UBR1: variants seen among roughly 807,000 people sequenced by gnomAD.
UBR1 encodes the protein ubiquitin protein ligase E3 component n-recognin 1.
UBR1 carries 102 observed loss-of-function variants against 242.1 expected under a neutral mutation model. That is an observed-to-expected ratio of 0.42 (90% CI 0.36 to 0.50). UBR1 has a LOEUF of 0.50. Ranked by LOEUF, UBR1 falls within the 20% of genes least tolerant of loss-of-function variation. UBR1 has a pLI of 0.01. For synonymous variants in UBR1, 675 were observed against 684.8 expected (o/e 0.99, Z 0.22); for missense variants, 1,772 against 2,101.8 (o/e 0.84, Z 3.07).
chr15:43,075,185 T>A, intron 3 of UBR1, 96 bp from the exon 4 acceptor site: 1 of 980,450 alleles, frequency 1.0e-6, no homozygotes, highest in South Asian at 1.3e-5. Flanking sequence ...TCACCAATAC[T>A]CCAACCTTAA....
In UBR1 at chr15:42,966,291, G is replaced by A. The variant is rs770925682; in HGVS notation, c.4458-5C>T. 1.9e-6 allele frequency: 3 copies of A among 1,614,086 alleles called. No homozygotes were observed. Among genetic ancestry groups the A allele is most frequent in the Admixed American group, 1.7e-5 (1 of 60,016 alleles). The stretch of plus-strand genomic sequence containing the variant: ...GGAATATCACACCCAATGGAGCTAG[G>A]AGACAATAATTCCAGAAGAGAACAG... On this transcript the variant is annotated splice_polypyrimidine_tract_variant and splice_region_variant and intron_variant, in intron 40 of 46. Transcript: ENST00000290650.
rs1018608745 is a variant in UBR1, at chr15:42,945,200, T to C, written c.*129A>G. 4.4e-5 allele frequency: 54 copies of C among 1,234,242 alleles called. No individual in the cohort carries two copies. In the African/African-American group the frequency reaches 6.6e-4, roughly 15 times the overall value. The allele number at this position is 1,234,242 out of a possible 1,614,324, so 76.5% of individuals were successfully genotyped here. A position where few individuals can be genotyped will look rare whatever the true frequency, so the allele number is the denominator to read the frequency against. ...ACTCCATTAAGAAATATTTTATTGA[T>C]GTAAGTGAACCTGGACATGGAGCAA... On this transcript the variant is annotated 3_prime_UTR_variant, in exon 47 of 47. Coordinates refer to ENST00000290650, the MANE Select transcript of UBR1 (RefSeq NM_174916.3).
chr15:43,038,767 C>T (rs1487595031), intron 15 of UBR1, among the ~76,000 whole-genome samples: 1 of 152,122 alleles, frequency 6.6e-6, no homozygotes, highest in Non-Finnish European at 1.5e-5. Context: ...GACAAACTGT[C>T]TCTCAAGATA....
rs147859390 is a variant in UBR1 at position 43,036,267 on chromosome 15, A to G, written c.2101T>C (p.Leu701=). 1 of 1,613,216 alleles carries G rather than the reference A, an allele frequency of 6.2e-7. No individual in the cohort carries two copies. Among genetic ancestry groups the G allele is most frequent in the African/African-American group, 1.3e-5 (1 of 75,040 alleles). ...DIIMLQIGAS[L]MDPNKFLLLV... ...AACAAGAACTTATTGGGATCCATTA[A>G]AGATGCACCAATCTGTGAAAGAAAT... Residue 701 remains leucine (L), a synonymous_variant, in exon 19 of 47, where the codon TTA becomes CTA. Coordinates refer to ENST00000290650, the MANE Select transcript of UBR1 (RefSeq NM_174916.3).
chr15:43,038,616 T>C (rs2033370721), intron 15 of UBR1, among the ~76,000 whole-genome samples: 1 of 152,018 alleles, frequency 6.6e-6, no homozygotes, highest in Non-Finnish European at 1.5e-5. Flanking sequence ...AAGAAACTTG[T>C]GTGAGTTAAA....
intron 33 of UBR1, among the ~76,000 whole-genome samples, chr15:42,996,809 T>C (rs577461014): frequency 7.0e-4 from 106 of 152,248 alleles, no homozygotes; most frequent in African/African-American, 2.2e-3. Context: ...AAGATATGAA[T>C]TGTAGAAATA....
chr15:43,090,631 A>C (rs1453243371), intron 1 of UBR1, among the ~76,000 whole-genome samples: 4 of 151,878 alleles, frequency 2.6e-5, no homozygotes, highest in Non-Finnish European at 5.9e-5. Context: ...AAAAAAAAAA[A>C]CTTGCATATT....
At chr15:42,994,951 T>C (rs1206428546) in intron 33 of UBR1, among the ~76,000 whole-genome samples, 1 of 152,224 alleles carries the variant, frequency 6.6e-6, no homozygotes, top group Non-Finnish European at 1.5e-5. Flanking sequence ...TTTTAATCAT[T>C]CCATGATTTC....
chr15:43,098,560 C>A (rs1307892448), intron 1 of UBR1, among the ~76,000 whole-genome samples: 1 of 152,176 alleles, frequency 6.6e-6, no homozygotes, highest in African/African-American at 2.4e-5. Flanking sequence ...TCCAGACACA[C>A]TCTTTGTGCA....
intron 42 of UBR1, among the ~76,000 whole-genome samples, chr15:42,961,536 G>T (rs542404968): frequency 6.6e-6 from 1 of 151,222 alleles, no homozygotes; most frequent in South Asian, 2.1e-4. Flanking sequence ...TGATTCTGAT[G>T]CCTCAGCTCC....
rs921176293 is a variant in UBR1, at chr15:42,943,806, T to C, written c.*1523A>G. 3.3e-5 allele frequency: 5 copies of C among 152,306 alleles called. No homozygotes were observed. The highest frequency in any genetic ancestry group is 4.8e-5 in the African/African-American group (2 of 41,454). 9.4% of individuals were successfully genotyped at this position (152,306 alleles called of 1,614,324 possible). On this transcript the variant is annotated 3_prime_UTR_variant, in exon 47 of 47. Transcript: ENST00000290650. ...GATCCTTACCTGTTATTGTTACAAA[T>C]TGTTCACTAGACATGTATCTATTTA... is the stretch of plus-strand genomic sequence containing the variant.
intron 8 of UBR1, 140 bp from the exon 9 acceptor site, chr15:43,059,332 T>C (rs2033654848): frequency 1.3e-6 from 1 of 757,838 alleles, no homozygotes; most frequent in Admixed American, 2.0e-5. Flanking sequence ...CTCACAGTGC[T>C]GGCATTACAG....
chr15:42,959,128 G>A lies in UBR1; in HGVS notation c.4758-1038C>T, dbSNP rs565885663. Among the ~76,000 whole-genome samples, 3 of 152,268 alleles carry A rather than the reference G, an allele frequency of 2.0e-5. No homozygotes were observed. In the East Asian group the frequency reaches 5.8e-4, roughly 29 times the overall value. On this transcript the variant is annotated intron_variant, in intron 43 of 46. Coordinates refer to ENST00000290650, the MANE Select transcript of UBR1 (RefSeq NM_174916.3). ...TTACAGGTGTGAGCCACGGCGCCTG[G>A]CCCCAATCAATTTAAATTCTGTAAT...
intron 40 of UBR1, among the ~76,000 whole-genome samples, chr15:42,970,145 T>C (rs1015122274): frequency 6.6e-6 from 1 of 151,950 alleles, no homozygotes; most frequent in Non-Finnish European, 1.5e-5. Context: ...CCAAAACAGA[T>C]ATATAGACCA....
intron 6 of UBR1, among the ~76,000 whole-genome samples, chr15:43,064,052 T>G (rs2033722534): frequency 6.6e-6 from 1 of 152,246 alleles, no homozygotes; most frequent in South Asian, 2.1e-4. Context: ...TGCCTGTTTC[T>G]CTCATAAGAA....
Position 42,971,793 on chromosome 15 carries a change from CTCTA to C in UBR1, c.4370-1190_4370-1187del, listed in dbSNP as rs377228862. Among the ~76,000 whole-genome samples, 813 of 152,236 alleles carry C rather than the reference CTCTA, an allele frequency of 5.3e-3. 9 individuals carry two copies. The highest frequency in any genetic ancestry group is 0.019 in the African/African-American group (780 of 41,532). On this transcript the variant is annotated intron_variant, in intron 39 of 46. Coordinates refer to ENST00000290650, the MANE Select transcript of UBR1 (RefSeq NM_174916.3). ...CAATTAAGTGCACAAATATCAAGTG[CTCTA>C]TCTGATGATGAGTTTGACAAATGCA...
At chr15:42,984,747 T>C (rs1409768409) in intron 36 of UBR1, 140 bp downstream of exon 36, 1 of 747,560 alleles carries the variant, frequency 1.3e-6, no homozygotes, top group Admixed American at 2.2e-5. Flanking sequence ...ATAAGACTGA[T>C]GCAGTTCCTT....
intron 42 of UBR1, among the ~76,000 whole-genome samples, chr15:42,962,111 C>A (rs116154059): frequency 0.033 from 3,762 of 114,262 alleles, 172 homozygotes; most frequent in African/African-American, 0.11. Context: ...TCCTCTCTTT[C>A]TTTGTTGTGT....
At chr15:43,060,427 T>C (rs1268366047) in intron 6 of UBR1, among the ~76,000 whole-genome samples, 1 of 152,222 alleles carries the variant, frequency 6.6e-6, no homozygotes, top group Non-Finnish European at 1.5e-5. Flanking sequence ...TCAGGCTTTC[T>C]AAACTTCTGC....
Sources: gnomAD v4.1 joint callset for allele counts (sites outside exome capture counted in the v4.1 genomes callset) on GRCh38, gnomAD v4.1.1 for gene constraint, MANE v1.5 for transcripts, NCBI Gene and HGNC (gene_info 2026-07-23, HGNC 2026-07-21) for gene names.